The following CSMD3 variants were observed in gnomAD, a reference collection of about 807,000 sequenced individuals.
CSMD3 encodes the protein CUB and Sushi multiple domains 3.
CSMD3 carries 177 observed loss-of-function variants against 435.2 expected under a neutral mutation model. The observed-to-expected ratio is 0.41, with a 90% CI of 0.36 to 0.46. CSMD3 has a LOEUF of 0.46. Among genes scored for constraint, CSMD3 ranks in the 20% least tolerant of loss-of-function variants. The probability of loss-of-function intolerance (pLI) is 0.34; values close to 1 mark genes in which losing one functional copy is unlikely to be tolerated. For synonymous variants in CSMD3, 1,656 were observed against 1,520.5 expected, an observed-to-expected ratio of 1.09 and a Z score of -2.07; for missense variants, 4,265 against 4,504.6, an observed-to-expected ratio of 0.95 and a Z score of 1.52.
At chr8:113,304,909 T>A (rs2093805959) in intron 2 of CSMD3, among the ~76,000 whole-genome samples, 3 of 44,396 alleles carry the variant, frequency 6.8e-5, no homozygotes, top group Non-Finnish European at 1.2e-4. Flanking sequence ...AAACTTAAAG[T>A]ATAATAAAAA....
intron 32 of CSMD3, among the ~76,000 whole-genome samples, chr8:112,458,601 G>T (rs1022871693): frequency 3.3e-5 from 5 of 152,054 alleles, no homozygotes; most frequent in African/African-American, 4.8e-5. Context: ...CCACCAACAT[G>T]AAGCGTTCTA....
At chr8:113,209,005 T>C (rs2092802298) in intron 3 of CSMD3, among the ~76,000 whole-genome samples, 1 of 152,160 alleles carries the variant, frequency 6.6e-6, no homozygotes, top group African/African-American at 2.4e-5. Flanking sequence ...CAAAATGTTA[T>C]AAAAGATCAT....
At chr8:112,811,315 C>T (rs1165917331) in intron 12 of CSMD3, among the ~76,000 whole-genome samples, 1 of 151,874 alleles carries the variant, frequency 6.6e-6, no homozygotes, top group Non-Finnish European at 1.5e-5. Context: ...CTCCCCCAAC[C>T]CCCCTTCTCT....
intron 34 of CSMD3, 85 bp downstream of exon 34, chr8:112,408,233 G>C: frequency 2.2e-6 from 2 of 926,420 alleles, no homozygotes; most frequent in Non-Finnish European, 3.6e-6. Context: ...TTTATCTAGA[G>C]GATTTCATCA....
At chr8:112,248,646 C>T (rs1271095599) in intron 63 of CSMD3, among the ~76,000 whole-genome samples, 4 of 152,026 alleles carry the variant, frequency 2.6e-5, no homozygotes, top group Admixed American at 1.3e-4. Context: ...CCCTCTTGAG[C>T]GGACAATAAG....
chr8:112,483,908 G>C (rs971632094), intron 31 of CSMD3, among the ~76,000 whole-genome samples: 3 of 152,162 alleles, frequency 2.0e-5, no homozygotes, highest in African/African-American at 7.2e-5. Context: ...TAAGGATCAA[G>C]AGCAGAGTAC....
At chr8:112,589,684 A>T (rs1831015094) in intron 22 of CSMD3, among the ~76,000 whole-genome samples, 1 of 152,160 alleles carries the variant, frequency 6.6e-6, no homozygotes, top group Non-Finnish European at 1.5e-5. Flanking sequence ...AGATATGTTA[A>T]AATTGAGAAA....
chr8:113,167,169 T>A (rs1051918137), intron 4 of CSMD3, among the ~76,000 whole-genome samples: 6 of 152,094 alleles, frequency 3.9e-5, no homozygotes, highest in Non-Finnish European at 8.8e-5. Flanking sequence ...CCCAGGCACA[T>A]GTTTAACTGT....
At chr8:112,687,664 T>C (rs1429803983) in intron 14 of CSMD3, among the ~76,000 whole-genome samples, 1 of 152,186 alleles carries the variant, frequency 6.6e-6, no homozygotes, top group Non-Finnish European at 1.5e-5. Flanking sequence ...CTATTTATTT[T>C]CTGCATAATT....
intron 58 of CSMD3, 26 bp from the exon 59 acceptor site, chr8:112,281,376 T>C (rs769828814): frequency 5.0e-5 from 80 of 1,592,992 alleles, no homozygotes; most frequent in Non-Finnish European, 6.0e-5. Flanking sequence ...TTTAAGAGTA[T>C]ATATAAAAAA....
At chr8:112,642,834 G>A (rs4567066) in intron 20 of CSMD3, among the ~76,000 whole-genome samples, 1 of 151,994 alleles carries the variant, frequency 6.6e-6, no homozygotes, top group Non-Finnish European at 1.5e-5. Context: ...TTATCAATTA[G>A]TATTATAACA....
intron 4 of CSMD3, among the ~76,000 whole-genome samples, chr8:113,131,323 T>C (rs1479234966): frequency 6.6e-6 from 1 of 151,890 alleles, no homozygotes; most frequent in Non-Finnish European, 1.5e-5. Context: ...GAGGAAAAAA[T>C]GGCTGTTTGA....
chr8:112,293,154 G>A (rs527659893), intron 54 of CSMD3, among the ~76,000 whole-genome samples: 1 of 152,090 alleles, frequency 6.6e-6, no homozygotes, highest in Admixed American at 6.6e-5. Flanking sequence ...GCTTTGGGAG[G>A]CCGGGGTGGG....
At chr8:112,767,536 G>A (rs2078009849) in intron 13 of CSMD3, among the ~76,000 whole-genome samples, 1 of 151,698 alleles carries the variant, frequency 6.6e-6, no homozygotes, top group African/African-American at 2.4e-5. Flanking sequence ...TTCCTCACAT[G>A]TAAAACTAGT....
rs779749541 is a variant in CSMD3, at chr8:113,098,893, C to T, written c.780G>A (p.Glu260=). The part of the protein sequence containing the change: ...GIISSPSFPN[E]YHNNADCTWT... ...AAGTGCAATCAGCATTGTTATGGTA[C>T]TCATTAGGAAAACTAGGGCTGGATA... The change falls in exon 5 of 71, where the codon GAG becomes GAA. Residue 260 remains glutamate (E), a synonymous_variant. Transcript: ENST00000297405. The T allele has an allele frequency of 1.2e-6, 2 of 1,612,360 alleles. No individual in the cohort carries two copies. Among genetic ancestry groups the T allele is most frequent in the Admixed American group, 1.7e-5 (1 of 59,896 alleles).
At chr8:112,682,294 T>C (rs2075916431) in intron 16 of CSMD3, 148 bp downstream of exon 16, 1 of 693,902 alleles carries the variant, frequency 1.4e-6, no homozygotes, top group Non-Finnish European at 2.5e-6. Context: ...AAGTGTAATT[T>C]CCTTAACAAG....
intron 1 of CSMD3, among the ~76,000 whole-genome samples, chr8:113,415,003 T>C (rs1249620356): frequency 1.3e-5 from 2 of 151,616 alleles, no homozygotes; most frequent in African/African-American, 4.8e-5. Flanking sequence ...AACAACAAAA[T>C]CCTACTGATT....
intron 13 of CSMD3, among the ~76,000 whole-genome samples, chr8:112,742,467 C>CT (rs1395048246): frequency 1.3e-5 from 2 of 151,828 alleles, no homozygotes; most frequent in African/African-American, 2.4e-5. Flanking sequence ...CTGTAAGGCT[C>CT]TTTTTTTCTC....
chr8:113,020,937 T>C (rs1374266920), intron 5 of CSMD3, among the ~76,000 whole-genome samples: 1 of 152,222 alleles, frequency 6.6e-6, no homozygotes, highest in Non-Finnish European at 1.5e-5. Flanking sequence ...CCAACTTTCC[T>C]AAGATGTGTG....
Sources: gnomAD v4.1 joint callset for allele counts (sites outside exome capture counted in the v4.1 genomes callset) on GRCh38, gnomAD v4.1.1 for gene constraint, MANE v1.5 for transcripts, NCBI Gene and HGNC (gene_info 2026-07-23, HGNC 2026-07-21) for gene names.